Variants in TP53BP1 observed in about 807,000 individuals in gnomAD.
TP53BP1 encodes the protein tumor protein p53 binding protein 1.
Under a neutral mutation model 200.8 loss-of-function variants are expected in TP53BP1, and 61 were observed. The ratio of observed to expected loss-of-function variants is 0.30; its 90% CI spans 0.25 to 0.38. The LOEUF (loss-of-function observed/expected upper bound fraction) is 0.38, where lower values mean the gene tolerates loss of function less well. Ranked by LOEUF, TP53BP1 falls within the 10% of genes least tolerant of loss-of-function variation. TP53BP1 has a pLI of 1.00. For missense variants in TP53BP1, 2,144 were observed against 2,371.9 expected, an observed-to-expected ratio of 0.90 and a Z score of 2.00; for synonymous variants, 822 against 844.3, an observed-to-expected ratio of 0.97 and a Z score of 0.46.
In TP53BP1 at chr15:43,403,602, A is replaced by T; in HGVS notation, c.*3781T>A. 2 of 1,032,816 alleles carry T rather than the reference A, an allele frequency of 1.9e-6. No homozygotes were observed. The highest frequency in any genetic ancestry group is 1.5e-6 in the Non-Finnish European group (1 of 674,750). 64.0% of individuals were successfully genotyped at this position (1,032,816 alleles called of 1,614,324 possible). A position where few individuals can be genotyped will look rare whatever the true frequency, so the allele number is the denominator to read the frequency against. ...TCAGCTATTAATTAGATCAGCTATT[A>T]ATCAGACTGTTCTCCTAACACTTTA... On this transcript the variant is annotated 3_prime_UTR_variant, in exon 28 of 28. Coordinates refer to ENST00000382044, the MANE Select transcript of TP53BP1 (RefSeq NM_001141980.3).
At chr15:43,459,776 T>A (rs2046387295) in intron 11 of TP53BP1, among the ~76,000 whole-genome samples, 3 of 151,988 alleles carry the variant, frequency 2.0e-5, no homozygotes, top group Admixed American at 2.0e-4. Flanking sequence ...AAGCAATCTC[T>A]CACCTCAGCC....
intron 24 of TP53BP1, among the ~76,000 whole-genome samples, chr15:43,410,275 C>T (rs1430890530): frequency 6.6e-6 from 1 of 152,152 alleles, no homozygotes; most frequent in Non-Finnish European, 1.5e-5. Flanking sequence ...CCAGAATGCT[C>T]AATGAAATAT....
rs190302026 is a variant in TP53BP1 at position 43,405,023 on chromosome 15, T to C, written c.*2360A>G. 359 of 647,392 alleles carry C rather than the reference T, an allele frequency of 5.5e-4. 1 individual carries two copies. Among genetic ancestry groups the C allele is most frequent in the Non-Finnish European group, 8.0e-4 (305 of 380,232 alleles). The allele number at this position is 647,392 out of a possible 1,614,324, so 40.1% of individuals were successfully genotyped here. On this transcript the variant is annotated 3_prime_UTR_variant, in exon 28 of 28. Transcript: ENST00000382044. ...ATTCAGAAAATCACTTCATTGTCCT[T>C]TCTCTCTAAAATGTCTGCAAGCAGA... is the stretch of plus-strand genomic sequence containing the variant.
At chr15:43,441,693 G>A in intron 14 of TP53BP1, 110 bp from the exon 15 acceptor site, 1 of 689,934 alleles carries the variant, frequency 1.4e-6, no homozygotes, top group Non-Finnish European at 2.6e-6. Flanking sequence ...ATAACAAAAA[G>A]AAATAAAAAT....
At chr15:43,510,619 C>A (rs1835380498), upstream of TP53BP1, 1 of 250,676 alleles carries the variant, frequency 4.0e-6, no homozygotes, top group Non-Finnish European at 7.7e-6. Context: ...CCCCTCAGTT[C>A]GGGCGAGGCT....
rs560546465 is a variant in TP53BP1, at chr15:43,420,877, C to T, written c.4251-142G>A. 6.2e-6 allele frequency: 8 copies of T among 1,297,498 alleles called. No individual in the cohort carries two copies. In the South Asian group the frequency reaches 8.6e-5, roughly 14 times the overall value. The allele number at this position is 1,297,498 out of a possible 1,614,324, so 80.4% of individuals were successfully genotyped here. ...CATCACAGGCATGAGCCTGGTCTCTCTGTGGCCTCACTCTGATCCCTGCCC... is the reference window on the plus strand; with the variant it reads ...CATCACAGGCATGAGCCTGGTCTCTTTGTGGCCTCACTCTGATCCCTGCCC... On this transcript the variant is annotated intron_variant, in intron 20 of 27. Transcript: ENST00000382044.
chr15:43,432,728 T>C, intron 16 of TP53BP1, 51 bp from the exon 17 acceptor site: 1 of 1,546,218 alleles, frequency 6.5e-7, no homozygotes, highest in Non-Finnish European at 8.7e-7. Flanking sequence ...AGTGTATGTG[T>C]GAACGTGTGT....
rs771158848 is a variant in TP53BP1, at chr15:43,468,373, C to T, written c.1389+1485G>A. ...CAGCCCTGGCAACATAGTGATACCC[C>T]GTCTCTATAAGAAAAATTAAGAAAT... On this transcript the variant is annotated intron_variant, in intron 11 of 27. Transcript: ENST00000382044. Among the ~76,000 whole-genome samples, 3 of 151,944 alleles carry T rather than the reference C, an allele frequency of 2.0e-5. No individual in the cohort carries two copies. In the East Asian group the frequency reaches 5.8e-4, roughly 29 times the overall value.
chr15:43,479,739 T>C, intron 6 of TP53BP1, 120 bp downstream of exon 6: 1 of 1,317,788 alleles, frequency 7.6e-7, no homozygotes, highest in Non-Finnish European at 1.0e-6. Flanking sequence ...TCTTCAACCT[T>C]ACTAAATTAC....
intron 10 of TP53BP1, among the ~76,000 whole-genome samples, chr15:43,472,688 G>C (rs2046755553): frequency 6.6e-6 from 1 of 152,208 alleles, no homozygotes; most frequent in African/African-American, 2.4e-5. Context: ...CGTGTTGCTA[G>C]AAACAAGTAG....
intron 16 of TP53BP1, among the ~76,000 whole-genome samples, chr15:43,434,738 T>C (rs560798908): frequency 6.6e-6 from 1 of 152,310 alleles, no homozygotes; most frequent in African/African-American, 2.4e-5. Flanking sequence ...GAGAAATAAA[T>C]TCTTTTGTTT....
rs2079258531 is a variant in TP53BP1, at chr15:43,509,406, T to G, written c.-9+964A>C. On this transcript the variant is annotated intron_variant, in intron 1 of 27. Coordinates refer to the TP53BP1 transcript ENST00000263801. ...TCCATGGTAGGGACCAGGATTGCTG[T>G]AAAGTTTTTTGTTTTGTTTTGAAAC... Among the ~76,000 whole-genome samples, 4 of 152,244 alleles carry G rather than the reference T, an allele frequency of 2.6e-5. No homozygotes were observed. In the South Asian group the frequency reaches 8.3e-4, roughly 32 times the overall value.
chr15:43,431,178 C>G (rs935016318), intron 17 of TP53BP1, among the ~76,000 whole-genome samples: 2 of 152,136 alleles, frequency 1.3e-5, no homozygotes, highest in African/African-American at 2.4e-5. Flanking sequence ...CTCAGAACAG[C>G]ACAGTATTTA....
chr15:43,418,263 T>C (rs1413748171), intron 21 of TP53BP1, among the ~76,000 whole-genome samples: 1 of 150,882 alleles, frequency 6.6e-6, no homozygotes, highest in Non-Finnish European at 1.5e-5. Context: ...TTTGGGAGGC[T>C]GAGGCAGGCA....
intron 11 of TP53BP1, among the ~76,000 whole-genome samples, chr15:43,464,514 C>T (rs1224689696): frequency 2.0e-5 from 3 of 152,250 alleles, no homozygotes; most frequent in East Asian, 3.9e-4. Flanking sequence ...CAGCATTATT[C>T]ACAATAGCCA....
At chr15:43,445,682 C>A (rs690316) in intron 14 of TP53BP1, among the ~76,000 whole-genome samples, 43,076 of 151,944 alleles carry the variant, frequency 0.28, 10,325 homozygotes, top group African/African-American at 0.65. Flanking sequence ...TGTGAAGAGT[C>A]ATTCTCTCTT....
At chr15:43,415,982 G>A (rs763226617) in intron 22 of TP53BP1, among the ~76,000 whole-genome samples, 173 bp from the exon 23 acceptor site, 1 of 152,150 alleles carries the variant, frequency 6.6e-6, no homozygotes, top group Non-Finnish European at 1.5e-5. Flanking sequence ...TGCCATGACT[G>A]AAATGTGTTT....
At chr15:43,482,321 A>G (rs2078983864) in intron 4 of TP53BP1, among the ~76,000 whole-genome samples, 1 of 152,190 alleles carries the variant, frequency 6.6e-6, no homozygotes, top group Admixed American at 6.5e-5. Context: ...ATCTATTAAT[A>G]ACATATATCA....
chr15:43,432,083 G>T, intron 17 of TP53BP1, 111 bp downstream of exon 17: 1 of 1,453,734 alleles, frequency 6.9e-7, no homozygotes, highest in Non-Finnish European at 9.3e-7. Flanking sequence ...CCACTGTTCT[G>T]TACAAAACTG....
Sources: gnomAD v4.1 joint callset for allele counts (sites outside exome capture counted in the v4.1 genomes callset) on GRCh38, gnomAD v4.1.1 for gene constraint, MANE v1.5 for transcripts, NCBI Gene and HGNC (gene_info 2026-07-23, HGNC 2026-07-21) for gene names.